FRAS1: variants seen among roughly 807,000 people sequenced by gnomAD.
FRAS1 encodes the protein extracellular matrix organizing protein FRAS1.
FRAS1 carries 290 observed loss-of-function variants against 435.2 expected under a neutral mutation model. That is an observed-to-expected ratio of 0.67 (90% confidence interval 0.61 to 0.73). The LOEUF is 0.73. Among genes scored for constraint, FRAS1 ranks in the 30% least tolerant of loss-of-function variants. The pLI is 0.00. For synonymous variants in FRAS1, 1,800 were observed against 1,851.0 expected, an observed-to-expected ratio of 0.97 and a Z score of 0.71; for missense variants, 4,860 against 5,001.5, an observed-to-expected ratio of 0.97 and a Z score of 0.85.
intron 30 of FRAS1, 46 bp downstream of exon 30, chr4:78,400,933 G>T: frequency 6.3e-7 from 1 of 1,595,758 alleles, no homozygotes; most frequent in Non-Finnish European, 8.6e-7. Context: ...GCATTCAGCA[G>T]TCTAGGGTTT....
chr4:78,514,271 G>A (rs777826278), intron 65 of FRAS1, among the ~76,000 whole-genome samples: 4 of 152,236 alleles, frequency 2.6e-5, no homozygotes, highest in East Asian at 3.9e-4. Context: ...TGCAGCTGAC[G>A]CAGAGCTGAA....
At chr4:78,373,043 A>T (rs557593733) in intron 24 of FRAS1, among the ~76,000 whole-genome samples, 185 bp downstream of exon 24, 10 of 152,282 alleles carry the variant, frequency 6.6e-5, no homozygotes, top group African/African-American at 2.4e-4. Flanking sequence ...TGCCTTAATA[A>T]GACATTTGCT....
At chr4:78,124,176 G>T (rs1288608722) in intron 2 of FRAS1, among the ~76,000 whole-genome samples, 1 of 152,106 alleles carries the variant, frequency 6.6e-6, no homozygotes, top group Non-Finnish European at 1.5e-5. Context: ...AGAGTTTTTG[G>T]CATGAAAGTC....
chr4:78,337,575 G>A, intron 19 of FRAS1, 99 bp from the exon 20 acceptor site: 2 of 1,345,488 alleles, frequency 1.5e-6, no homozygotes, highest in Non-Finnish European at 2.1e-6. Flanking sequence ...ATTAGAGTTG[G>A]AGGTCTGCTT....
At chr4:78,505,062 C>A (rs1304842882) in intron 61 of FRAS1, among the ~76,000 whole-genome samples, 1 of 152,238 alleles carries the variant, frequency 6.6e-6, no homozygotes, top group Non-Finnish European at 1.5e-5. Flanking sequence ...CCCCCACTCT[C>A]TTCTGGCTTG....
intron 6 of FRAS1, among the ~76,000 whole-genome samples, chr4:78,261,854 A>C (rs1019127538): frequency 2.6e-5 from 4 of 152,164 alleles, no homozygotes; most frequent in African/African-American, 9.7e-5. Context: ...ATAAGTTTTT[A>C]TGCTTTTCTC....
At chr4:78,491,272 A>G (rs556121635) in intron 59 of FRAS1, among the ~76,000 whole-genome samples, 31 of 152,324 alleles carry the variant, frequency 2.0e-4, no homozygotes, top group African/African-American at 7.2e-4. Context: ...ATTCCAAACA[A>G]TAGAAAAAGA....
chr4:78,467,454 T>G (rs528904260), intron 50 of FRAS1, among the ~76,000 whole-genome samples: 1 of 152,354 alleles, frequency 6.6e-6, no homozygotes, highest in South Asian at 2.1e-4. Flanking sequence ...GTACCACATT[T>G]TCTTTATCCA....
chr4:78,415,534 A>G (rs1431566767), intron 32 of FRAS1, among the ~76,000 whole-genome samples: 2 of 152,218 alleles, frequency 1.3e-5, no homozygotes, highest in Non-Finnish European at 2.9e-5. Context: ...CACTTGAAGA[A>G]CCATTGATCC....
chr4:78,264,442 A>G (rs972541416), intron 6 of FRAS1, among the ~76,000 whole-genome samples: 2 of 152,194 alleles, frequency 1.3e-5, no homozygotes, highest in Non-Finnish European at 2.9e-5. Context: ...GCACATATAA[A>G]TATGTGTCCA....
intron 51 of FRAS1, among the ~76,000 whole-genome samples, chr4:78,471,800 A>G (rs977545828): frequency 2.6e-5 from 4 of 152,178 alleles, no homozygotes; most frequent in African/African-American, 9.7e-5. Context: ...TTATTCTTTC[A>G]AAGTTCCAAC....
At chr4:78,471,371 A>G (rs962643994) in intron 51 of FRAS1, among the ~76,000 whole-genome samples, 1 of 152,090 alleles carries the variant, frequency 6.6e-6, no homozygotes, top group African/African-American at 2.4e-5. Context: ...TGGGTTTTAA[A>G]AAAAACAAAC....
At chr4:78,202,262 T>G (rs17003044) in intron 2 of FRAS1, among the ~76,000 whole-genome samples, 2,919 of 152,300 alleles carry the variant, frequency 0.019, 101 homozygotes, top group African/African-American at 0.067. Context: ...GGATTGAACT[T>G]TTAACCCCTG....
intron 2 of FRAS1, among the ~76,000 whole-genome samples, chr4:78,132,470 C>G (rs962443720): frequency 1.3e-5 from 2 of 152,182 alleles, no homozygotes; most frequent in African/African-American, 4.8e-5. Context: ...TGAATAGTTA[C>G]AAAATGAATG....
intron 18 of FRAS1, among the ~76,000 whole-genome samples, chr4:78,329,372 A>G (rs1729847561): frequency 6.6e-6 from 1 of 152,228 alleles, no homozygotes; most frequent in Admixed American, 6.5e-5. Flanking sequence ...ATGAAGTGCT[A>G]CAGCGAATTC....
chr4:78,244,480 G>A (rs1164683577), intron 3 of FRAS1, among the ~76,000 whole-genome samples: 2 of 152,102 alleles, frequency 1.3e-5, no homozygotes, highest in African/African-American at 4.8e-5. Context: ...TATGAGAGTC[G>A]TGGGCCTCAA....
At chr4:78,369,556 T>G (rs1369244490) in intron 22 of FRAS1, among the ~76,000 whole-genome samples, 1 of 152,210 alleles carries the variant, frequency 6.6e-6, no homozygotes, top group East Asian at 1.9e-4. Context: ...GATCTTAGAG[T>G]AAGCATAAAT....
At chr4:78,105,093 C>T (rs1185500599) in intron 2 of FRAS1, among the ~76,000 whole-genome samples, 1 of 152,082 alleles carries the variant, frequency 6.6e-6, no homozygotes, top group Admixed American at 6.6e-5. Context: ...CCAATTTCTC[C>T]TCCTGGCATC....
At chr4:78,436,832 GGT>G (rs924348820) in intron 38 of FRAS1, among the ~76,000 whole-genome samples, 2 of 151,988 alleles carry the variant, frequency 1.3e-5, no homozygotes, top group African/African-American at 2.4e-5. Flanking sequence ...CAAGATTTAG[GGT>G]GATGGGAGGC....
Sources: gnomAD v4.1 joint callset for allele counts (sites outside exome capture counted in the v4.1 genomes callset) on GRCh38, gnomAD v4.1.1 for gene constraint, MANE v1.5 for transcripts, NCBI Gene and HGNC (gene_info 2026-07-23, HGNC 2026-07-21) for gene names.